The following GPC6 variants were observed in gnomAD, a reference collection of about 807,000 sequenced individuals.
GPC6 encodes the protein glypican 6.
In GPC6, 14 loss-of-function variants were observed where a neutral mutation model predicts 55.2. The observed-to-expected ratio is 0.25, with a 90% confidence interval of 0.17 to 0.40. The LOEUF (loss-of-function observed/expected upper bound fraction) is 0.40. Among genes scored for constraint, GPC6 ranks in the 10% least tolerant of loss-of-function variants. GPC6 has a pLI of 1.00. For synonymous variants in GPC6, 278 were observed against 259.6 expected (o/e 1.07, Z -0.68); for missense variants, 641 against 708.5 (o/e 0.90, Z 1.08).
chr13:93,628,453 G>A (rs560216135), intron 2 of GPC6, among the ~76,000 whole-genome samples: 13 of 152,270 alleles, frequency 8.5e-5, no homozygotes, highest in Non-Finnish European at 1.6e-4. Context: ...GCACCCTTTC[G>A]AAGGGGCTAT....
intron 4 of GPC6, among the ~76,000 whole-genome samples, chr13:94,060,913 C>T (rs1402044133): frequency 6.6e-6 from 1 of 152,070 alleles, no homozygotes; most frequent in Admixed American, 6.6e-5. Context: ...GCAACACTCA[C>T]GGAGTATTTT....
rs188349155 is a variant in GPC6 at position 93,912,611 on chromosome 13, C to T, written c.711+82066C>T. Among the ~76,000 whole-genome samples, 1,105 of 152,088 alleles carry T rather than the reference C, an allele frequency of 7.3e-3. 15 individuals carry two copies. The highest frequency in any genetic ancestry group is 0.024 in the African/African-American group (1,005 of 41,498). On this transcript the variant is annotated intron_variant, in intron 3 of 8. Coordinates refer to ENST00000377047, the MANE Select transcript of GPC6 (RefSeq NM_005708.5). ...ACAAAAAATTAGCCTGGTGTGGTGG[C>T]GGGCGCCTGTAGTCCCAGCTACTCG...
chr13:93,590,442 T>C (rs1877409822), intron 2 of GPC6, among the ~76,000 whole-genome samples: 3 of 152,146 alleles, frequency 2.0e-5, no homozygotes. Flanking sequence ...TAACTACAAA[T>C]AATAGCTTTC....
chr13:94,122,002 A>T lies in GPC6; in HGVS notation c.877+94108A>T, dbSNP rs373389292. 3.4e-4 allele frequency among the ~76,000 whole-genome samples: 52 copies of T among 152,208 alleles called. 1 individual carries two copies. Among genetic ancestry groups the T allele is most frequent in the African/African-American group, 7.7e-4 (32 of 41,560 alleles). ...ATTTGGAAAAAAGAGTCTTGGTGCTACCGTTAAACAATTTTAAAACTACTG... is the reference window on the plus strand; with the variant it reads ...ATTTGGAAAAAAGAGTCTTGGTGCTTCCGTTAAACAATTTTAAAACTACTG... On this transcript the variant is annotated intron_variant, in intron 4 of 8. Coordinates refer to ENST00000377047, the MANE Select transcript of GPC6 (RefSeq NM_005708.5).
chr13:93,812,382 T>C (rs1382708860), intron 2 of GPC6, among the ~76,000 whole-genome samples: 1 of 150,112 alleles, frequency 6.7e-6, no homozygotes, highest in African/African-American at 2.5e-5. Flanking sequence ...CAAGACTCTG[T>C]CTCGGAAAAA....
intron 4 of GPC6, among the ~76,000 whole-genome samples, chr13:94,128,286 G>A (rs972454733): frequency 2.0e-5 from 3 of 152,118 alleles, no homozygotes; most frequent in Admixed American, 6.6e-5. Flanking sequence ...TGACTCCACA[G>A]ACAGCTAAGT....
At chr13:93,428,702 C>T (rs978468715) in intron 1 of GPC6, among the ~76,000 whole-genome samples, 4 of 152,136 alleles carry the variant, frequency 2.6e-5, no homozygotes, top group African/African-American at 9.7e-5. Context: ...CTTTCCATCT[C>T]TTCTGAGATG....
chr13:93,218,386 G>A, the GPC6 span, among the ~76,000 whole-genome samples: 1 of 152,130 alleles, frequency 6.6e-6, no homozygotes, highest in Non-Finnish European at 1.5e-5. Flanking sequence ...TTACATGTTT[G>A]ATGTAAATTC....
chr13:93,217,374 A>G, the GPC6 span, among the ~76,000 whole-genome samples: 1 of 152,244 alleles, frequency 6.6e-6, no homozygotes. Context: ...TTGGGCAAAT[A>G]TCTAAATTTG....
intron 2 of GPC6, among the ~76,000 whole-genome samples, chr13:93,651,908 T>C (rs1880431481): frequency 6.6e-6 from 1 of 152,200 alleles, no homozygotes; most frequent in Non-Finnish European, 1.5e-5. Flanking sequence ...GCATAGGGCC[T>C]GTACATCGGT....
At chr13:94,356,901 C>CA (rs918735832) in intron 6 of GPC6, among the ~76,000 whole-genome samples, 4 of 151,430 alleles carry the variant, frequency 2.6e-5, no homozygotes, top group Admixed American at 2.0e-4. Context: ...GACCCTGTCT[C>CA]AAAAAAAGAA....
At chr13:94,374,172 C>T (rs1879724565) in intron 6 of GPC6, among the ~76,000 whole-genome samples, 1 of 150,620 alleles carries the variant, frequency 6.6e-6, no homozygotes, top group Non-Finnish European at 1.5e-5. Flanking sequence ...AGCAAAATCA[C>T]CAGCTAACAT....
chr13:93,749,764 A>G (rs948904196), intron 2 of GPC6, among the ~76,000 whole-genome samples: 16 of 152,164 alleles, frequency 1.1e-4, no homozygotes, highest in Non-Finnish European at 2.9e-5. Context: ...CAAGAAGCCA[A>G]TAGCAACCTA....
intron 1 of GPC6, among the ~76,000 whole-genome samples, chr13:93,318,928 A>G (rs1879335147): frequency 6.6e-6 from 1 of 152,106 alleles, no homozygotes. Context: ...GAGTGCCCTT[A>G]CTCTAGTCAG....
intron 3 of GPC6, among the ~76,000 whole-genome samples, chr13:93,956,403 G>A (rs886107936): frequency 5.9e-5 from 9 of 151,994 alleles, no homozygotes; most frequent in African/African-American, 2.2e-4. Flanking sequence ...TTACAAAATG[G>A]TGATATTTAT....
At chr13:94,055,362 T>C (rs1049987536) in intron 4 of GPC6, among the ~76,000 whole-genome samples, 1 of 152,160 alleles carries the variant, frequency 6.6e-6, no homozygotes, top group African/African-American at 2.4e-5. Context: ...AAGGTAATCA[T>C]CTAGGATAGC....
chr13:93,931,409 G>T (rs1402011103), intron 3 of GPC6, among the ~76,000 whole-genome samples: 1 of 145,432 alleles, frequency 6.9e-6, no homozygotes, highest in East Asian at 2.0e-4. Flanking sequence ...CATAGTTAGA[G>T]GCCACAGGGG....
At chr13:93,363,117 G>GTTTTTTTTTTTTTT (rs199840187) in intron 1 of GPC6, among the ~76,000 whole-genome samples, 3 of 126,008 alleles carry the variant, frequency 2.4e-5, no homozygotes, top group South Asian at 2.5e-4. Flanking sequence ...CTTTTTTTTT[G>GTTTTTTTTTTTTTT]TTTTTTTTTT....
At chr13:93,528,775 A>G (rs995846801) in intron 1 of GPC6, among the ~76,000 whole-genome samples, 1 of 152,208 alleles carries the variant, frequency 6.6e-6, no homozygotes, top group Non-Finnish European at 1.5e-5. Flanking sequence ...TGAAGACAAT[A>G]TATTTATGAA....
Sources: gnomAD v4.1 joint callset for allele counts (sites outside exome capture counted in the v4.1 genomes callset) on GRCh38, gnomAD v4.1.1 for gene constraint, MANE v1.5 for transcripts, NCBI Gene and HGNC (gene_info 2026-07-23, HGNC 2026-07-21) for gene names.